Variants in BBX observed in about 807,000 individuals in gnomAD.
BBX encodes BBX high mobility group box domain containing.
Under a neutral mutation model 100.2 loss-of-function variants are expected in BBX, and 30 were observed. The observed-to-expected ratio is 0.30, with a 90% CI of 0.22 to 0.41. The LOEUF (loss-of-function observed/expected upper bound fraction) is 0.41. BBX is among the 10% of genes least tolerant of loss of function. BBX has a pLI of 1.00. For synonymous variants in BBX, 376 were observed against 388.1 expected (o/e 0.97, Z 0.37); for missense variants, 1,023 against 1,129.8 (o/e 0.91, Z 1.35).
chr3:107,729,111 G>GCTTGAATATATATATAGAAT, intron 6 of BBX, 151 bp downstream of exon 6: 1 of 762,850 alleles, frequency 1.3e-6, no homozygotes, highest in Non-Finnish European at 2.1e-6. Context: ...ATTGGATCAT[G>GCTTGAATATATATATAGAAT]ATATATATAG....
chr3:107,681,721 G>A (rs762632343), intron 3 of BBX, among the ~76,000 whole-genome samples: 2 of 152,104 alleles, frequency 1.3e-5, no homozygotes, highest in Admixed American at 6.6e-5. Context: ...ATCATATACT[G>A]AGAGAATAAA....
intron 3 of BBX, among the ~76,000 whole-genome samples, chr3:107,683,348 C>G (rs1415435853): frequency 6.6e-6 from 1 of 152,108 alleles, no homozygotes; most frequent in African/African-American, 2.4e-5. Flanking sequence ...GAAATAGATA[C>G]TTCCTCATAT....
At chr3:107,670,009 T>C (rs1244350748) in intron 3 of BBX, among the ~76,000 whole-genome samples, 1 of 152,120 alleles carries the variant, frequency 6.6e-6, no homozygotes, top group African/African-American at 2.4e-5. Context: ...CAAATTAGGG[T>C]TATATTCATA....
intron 2 of BBX, among the ~76,000 whole-genome samples, chr3:107,537,823 CT>C (rs2048601368): frequency 6.6e-6 from 1 of 152,164 alleles, no homozygotes; most frequent in South Asian, 2.1e-4. Flanking sequence ...AACTTTGTTT[CT>C]GAAATATTGT....
intron 2 of BBX, among the ~76,000 whole-genome samples, chr3:107,532,555 GA>G (rs1422685303): frequency 6.6e-6 from 1 of 152,172 alleles, no homozygotes; most frequent in Non-Finnish European, 1.5e-5. Flanking sequence ...ATAGGCACTT[GA>G]AAAGAGGGGC....
chr3:107,769,654 G>A (rs74967939), intron 10 of BBX, among the ~76,000 whole-genome samples: 4,267 of 152,126 alleles, frequency 0.028, 199 homozygotes, highest in African/African-American at 0.097. Flanking sequence ...CGTATCTGTC[G>A]TATGAGCAAG....
chr3:107,698,187 A>G (rs1014303113), intron 3 of BBX, among the ~76,000 whole-genome samples: 13 of 151,834 alleles, frequency 8.6e-5, no homozygotes, highest in African/African-American at 2.7e-4. Context: ...GCTGTAGACC[A>G]GAGCTGTTCC....
Position 107,668,050 on chromosome 3 carries a change from G to A in BBX, c.-10+22141G>A, listed in dbSNP as rs1023178945. On this transcript the variant is annotated intron_variant, in intron 3 of 17. Transcript: ENST00000325805. The stretch of plus-strand genomic sequence containing the variant: ...TTTTATTAAATTTGAAAAATAAGTC[G>A]CTGATTGTTTTTGTAAAAACAATGG... Among the ~76,000 whole-genome samples the A allele has an allele frequency of 7.9e-5, 12 of 152,212 alleles. No homozygotes were observed. In the East Asian group the frequency reaches 2.1e-3, roughly 27 times the overall value.
At chr3:107,721,310 A>G (rs1454502267) in intron 5 of BBX, among the ~76,000 whole-genome samples, 2 of 151,934 alleles carry the variant, frequency 1.3e-5, no homozygotes, top group Non-Finnish European at 2.9e-5. Flanking sequence ...GTAATTCTCA[A>G]CTATTTTATT....
intron 5 of BBX, among the ~76,000 whole-genome samples, chr3:107,719,549 A>G (rs2062372174): frequency 6.6e-6 from 1 of 151,992 alleles, no homozygotes; most frequent in Non-Finnish European, 1.5e-5. Flanking sequence ...AGTTTCTTAA[A>G]TTATTGCCCA....
chr3:107,585,596 A>G (rs1192512822), intron 2 of BBX, among the ~76,000 whole-genome samples: 4 of 152,274 alleles, frequency 2.6e-5, no homozygotes, highest in South Asian at 2.1e-4. Context: ...ACCTAACTCA[A>G]TATACCAAAA....
chr3:107,641,210 G>A (rs570846429), intron 2 of BBX, among the ~76,000 whole-genome samples: 1 of 151,336 alleles, frequency 6.6e-6, no homozygotes, highest in Non-Finnish European at 1.5e-5. Flanking sequence ...TCAGCCTCCT[G>A]AGTAGCTGGA....
intron 5 of BBX, among the ~76,000 whole-genome samples, chr3:107,728,056 A>G (rs73208514): frequency 0.11 from 17,465 of 152,144 alleles, 1,357 homozygotes; most frequent in Non-Finnish European, 0.17. Context: ...TGAAGGAGAA[A>G]GATGTTGTCA....
intron 5 of BBX, among the ~76,000 whole-genome samples, chr3:107,727,320 G>A (rs968440978): frequency 2.6e-5 from 4 of 151,996 alleles, no homozygotes; most frequent in Non-Finnish European, 5.9e-5. Context: ...CAGACAGCAG[G>A]CAAAGCTATT....
chr3:107,656,417 G>A (rs760982663), intron 3 of BBX, among the ~76,000 whole-genome samples: 1 of 152,262 alleles, frequency 6.6e-6, no homozygotes. Context: ...TATTTAGTGT[G>A]TATGTGTTAG....
intron 12 of BBX, among the ~76,000 whole-genome samples, chr3:107,777,290 TA>T (rs2067400551): frequency 6.6e-6 from 1 of 152,176 alleles, no homozygotes; most frequent in African/African-American, 2.4e-5. Context: ...GGTGCTTCCA[TA>T]ATTGCCATTT....
chr3:107,629,384 C>T (rs1483472094), intron 2 of BBX, among the ~76,000 whole-genome samples: 5 of 152,058 alleles, frequency 3.3e-5, no homozygotes, highest in East Asian at 1.9e-4. Context: ...ACAAAGATAC[C>T]GATGAATTAT....
At chr3:107,772,109 A>G (rs1268006874) in intron 10 of BBX, among the ~76,000 whole-genome samples, 1 of 152,184 alleles carries the variant, frequency 6.6e-6, no homozygotes, top group Middle Eastern at 3.2e-3. Context: ...AAAAAATCCA[A>G]AATTTGAAAC....
intron 16 of BBX, 134 bp downstream of exon 16, chr3:107,798,854 A>C (rs2070062871): frequency 4.9e-6 from 5 of 1,013,404 alleles, no homozygotes; most frequent in Non-Finnish European, 7.1e-6. Flanking sequence ...AAAAAAACAA[A>C]AACAAAAAAA....
Sources: gnomAD v4.1 joint callset for allele counts (sites outside exome capture counted in the v4.1 genomes callset) on GRCh38, gnomAD v4.1.1 for gene constraint, MANE v1.5 for transcripts, NCBI Gene and HGNC (gene_info 2026-07-23, HGNC 2026-07-21) for gene names.